The following GPD2 variants were observed in gnomAD, a reference collection of about 807,000 sequenced individuals.
GPD2 encodes glycerol-3-phosphate dehydrogenase, mitochondrial.
A neutral mutation model predicts 82.4 loss-of-function variants in GPD2; 54 were observed. The ratio of observed to expected loss-of-function variants is 0.66; its 90% CI spans 0.53 to 0.82. The LOEUF (loss-of-function observed/expected upper bound fraction) is 0.82. Among genes scored for constraint, GPD2 ranks in the 40% least tolerant of loss-of-function variants. GPD2 has a pLI of 0.00. For missense variants in GPD2, 748 were observed against 896.2 expected, an observed-to-expected ratio of 0.83 and a Z score of 2.11; for synonymous variants, 288 against 306.1, an observed-to-expected ratio of 0.94 and a Z score of 0.62.
chr2:156,469,171 T>C (rs1683242103), intron 1 of GPD2, among the ~76,000 whole-genome samples: 1 of 152,244 alleles, frequency 6.6e-6, no homozygotes. Flanking sequence ...ATTCTTTTCT[T>C]TTTTGAGACG....
At chr2:156,442,888 C>CT (rs1682225738) in intron 1 of GPD2, among the ~76,000 whole-genome samples, 1 of 152,174 alleles carries the variant, frequency 6.6e-6, no homozygotes, top group Non-Finnish European at 1.5e-5. Context: ...TCATGTCACT[C>CT]TCTCTGCTCC....
chr2:156,573,778 G>A (rs1191381982), intron 13 of GPD2, among the ~76,000 whole-genome samples: 3 of 152,186 alleles, frequency 2.0e-5, no homozygotes, highest in South Asian at 4.1e-4. Flanking sequence ...GCTGTGGACA[G>A]TCTAGAGAGA....
At chr2:156,544,593 ACTGATGCC>A (rs1686456936) in intron 6 of GPD2, among the ~76,000 whole-genome samples, 1 of 152,180 alleles carries the variant, frequency 6.6e-6, no homozygotes, top group African/African-American at 2.4e-5. Flanking sequence ...TTTCAGCTTT[ACTGATGCC>A]CAGTCTCTTT....
intron 2 of GPD2, among the ~76,000 whole-genome samples, chr2:156,490,874 T>G (rs1486186920): frequency 6.6e-6 from 1 of 152,254 alleles, no homozygotes; most frequent in Non-Finnish European, 1.5e-5. Context: ...CATAATTCAC[T>G]TATTTTTTGT....
chr2:156,500,132 A>G (rs1484782145), intron 3 of GPD2, among the ~76,000 whole-genome samples: 1 of 152,148 alleles, frequency 6.6e-6, no homozygotes, highest in African/African-American at 2.4e-5. Context: ...ACAGTAGCTA[A>G]GAAAACGATG....
At chr2:156,578,862 T>G in intron 13 of GPD2, 27 bp from the exon 14 acceptor site, 2 of 1,265,388 alleles carry the variant, frequency 1.6e-6, no homozygotes, top group Non-Finnish European at 2.3e-6. Flanking sequence ...CATGTGTCTT[T>G]GAACTTTGTG....
At chr2:156,424,651 A>G in the GPD2 span, among the ~76,000 whole-genome samples, 1 of 152,264 alleles carries the variant, frequency 6.6e-6, no homozygotes, top group African/African-American at 2.4e-5. Context: ...GCATTATATC[A>G]AACCTGCAGT....
intron 2 of GPD2, chr2:156,495,627 A>G (rs1465828072): frequency 4.3e-6 from 2 of 462,186 alleles, no homozygotes; most frequent in Non-Finnish European, 8.9e-6. Flanking sequence ...GTGGAAAGAC[A>G]TGAAGTCCTT....
At chr2:156,423,098 G>T in the GPD2 span, among the ~76,000 whole-genome samples, 12 of 152,286 alleles carry the variant, frequency 7.9e-5, no homozygotes, top group Admixed American at 2.6e-4. Flanking sequence ...TATTATAGAT[G>T]AGGAGACTGA....
In GPD2 at chr2:156,456,429, C is replaced by T. The variant is rs116827594; in HGVS notation, c.-8-19669C>T. ...GACCAGTCTGGCCAATATGACGAAA[C>T]CTTGTCTCTACAAAAATACAAAAAC... On this transcript the variant is annotated intron_variant, in intron 1 of 16. Transcript: ENST00000438166. Among the ~76,000 whole-genome samples, 435 of 152,046 alleles carry T rather than the reference C, an allele frequency of 2.9e-3. 3 individuals carry two copies. Among genetic ancestry groups the T allele is most frequent in the Middle Eastern group, 6.8e-3 (2 of 294 alleles).
chr2:156,573,291 G>T (rs1167849318), intron 13 of GPD2, among the ~76,000 whole-genome samples: 1 of 152,160 alleles, frequency 6.6e-6, no homozygotes, highest in Non-Finnish European at 1.5e-5. Context: ...AGCAGGGATT[G>T]AAACCAGGTA....
chr2:156,503,427 T>G (rs1426312138), intron 3 of GPD2, among the ~76,000 whole-genome samples: 5 of 152,188 alleles, frequency 3.3e-5, no homozygotes, highest in Non-Finnish European at 5.9e-5. Flanking sequence ...GAGTCAATTA[T>G]GTCCTTTAAA....
At chr2:156,550,768 A>T in intron 8 of GPD2, 22 bp downstream of exon 8, 2 of 1,605,412 alleles carry the variant, frequency 1.2e-6, no homozygotes, top group Non-Finnish European at 1.7e-6. Context: ...CCAATGTGGC[A>T]GTTGTCACCC....
chr2:156,455,178 C>T (rs980596224), intron 1 of GPD2, among the ~76,000 whole-genome samples: 1 of 152,124 alleles, frequency 6.6e-6, no homozygotes, highest in African/African-American at 2.4e-5. Flanking sequence ...GGAGTTGCGT[C>T]CAGTCTCCTG....
intron 6 of GPD2, among the ~76,000 whole-genome samples, chr2:156,537,699 C>A (rs116553661): frequency 0.025 from 3,871 of 152,248 alleles, 146 homozygotes; most frequent in African/African-American, 0.081. Flanking sequence ...GTATTTTTGA[C>A]ATTCATTAAA....
At chr2:156,540,075 A>C (rs1405857419) in intron 6 of GPD2, among the ~76,000 whole-genome samples, 1 of 152,208 alleles carries the variant, frequency 6.6e-6, no homozygotes, top group African/African-American at 2.4e-5. Context: ...TAGGACATTG[A>C]GCAGCAGGCA....
chr2:156,501,969 A>C (rs1219308884), intron 3 of GPD2: 2 of 161,592 alleles, frequency 1.2e-5, no homozygotes, highest in African/African-American at 4.8e-5. Flanking sequence ...TCAGTCATGG[A>C]GTCTATAAAT....
At chr2:156,541,697 T>A (rs1273109643) in intron 6 of GPD2, among the ~76,000 whole-genome samples, 1 of 152,160 alleles carries the variant, frequency 6.6e-6, no homozygotes, top group Non-Finnish European at 1.5e-5. Context: ...TTAGGCCATA[T>A]AACTGCATAG....
chr2:156,533,688 A>G (rs554268790), intron 6 of GPD2, among the ~76,000 whole-genome samples: 1 of 152,314 alleles, frequency 6.6e-6, no homozygotes, highest in East Asian at 1.9e-4. Context: ...TGCCCAATGT[A>G]GGTCTAGGCA....
Sources: gnomAD v4.1 joint callset for allele counts (sites outside exome capture counted in the v4.1 genomes callset) on GRCh38, gnomAD v4.1.1 for gene constraint, MANE v1.5 for transcripts, NCBI Gene and HGNC (gene_info 2026-07-23, HGNC 2026-07-21) for gene names.